The following C12orf50 variants were observed in gnomAD, a reference collection of about 807,000 sequenced individuals.
C12orf50 encodes uncharacterized protein C12orf50.
A neutral mutation model predicts 61.6 loss-of-function variants in C12orf50; 35 were observed. The ratio of observed to expected loss-of-function variants is 0.57; its 90% confidence interval spans 0.43 to 0.75. The LOEUF (loss-of-function observed/expected upper bound fraction) is 0.75. Among genes scored for constraint, C12orf50 ranks in the 30% least tolerant of loss-of-function variants. C12orf50 has a pLI of 0.00. For synonymous variants in C12orf50, 178 were observed against 161.5 expected (o/e 1.10, Z -0.77); for missense variants, 475 against 488.5 (o/e 0.97, Z 0.26).
At chr12:88,008,629 A>G (rs965785310) in intron 3 of C12orf50, among the ~76,000 whole-genome samples, 1 of 152,088 alleles carries the variant, frequency 6.6e-6, no homozygotes, top group Non-Finnish European at 1.5e-5. Flanking sequence ...TTTTTTACCT[A>G]TTTAAAACTG....
chr12:88,018,903 G>T (rs550847678), intron 3 of C12orf50, among the ~76,000 whole-genome samples: 1 of 152,246 alleles, frequency 6.6e-6, no homozygotes, highest in African/African-American at 2.4e-5. Context: ...TATGTAGGAA[G>T]TAACTAACTT....
intron 12 of C12orf50, among the ~76,000 whole-genome samples, chr12:87,982,407 A>G (rs1003680383): frequency 2.6e-5 from 4 of 152,342 alleles, no homozygotes; most frequent in African/African-American, 9.6e-5. Context: ...TCACAGTTGT[A>G]GTCAGTAGGA....
intron 3 of C12orf50, among the ~76,000 whole-genome samples, chr12:88,014,493 G>A (rs1322602474): frequency 6.6e-6 from 1 of 152,060 alleles, no homozygotes; most frequent in African/African-American, 2.4e-5. Context: ...GTAGAGACGG[G>A]TTTCACCGTA....
chr12:88,018,503 T>G (rs142650034), intron 3 of C12orf50, among the ~76,000 whole-genome samples: 1 of 152,288 alleles, frequency 6.6e-6, no homozygotes, highest in Non-Finnish European at 1.5e-5. Flanking sequence ...CCAGAGCTGC[T>G]ACACAAAGTC....
chr12:88,029,018 T>G, intron 1 of C12orf50: 1 of 1,057,236 alleles, frequency 9.5e-7, no homozygotes, highest in Non-Finnish European at 1.2e-6. Flanking sequence ...CCCTTCATTC[T>G]ACTAAAAAGA....
chr12:88,013,636 T>C (rs2032196162), intron 3 of C12orf50, among the ~76,000 whole-genome samples: 1 of 152,208 alleles, frequency 6.6e-6, no homozygotes, highest in Non-Finnish European at 1.5e-5. Context: ...TATGCAGATA[T>C]GTAAATACAG....
intron 3 of C12orf50, among the ~76,000 whole-genome samples, chr12:88,020,788 A>G (rs2136490489): frequency 6.6e-6 from 1 of 151,868 alleles, no homozygotes; most frequent in East Asian, 1.9e-4. Context: ...ATTTGGACAT[A>G]AAACAATACT....
At chr12:88,023,346 C>A (rs2032587267) in intron 3 of C12orf50, among the ~76,000 whole-genome samples, 1 of 151,952 alleles carries the variant, frequency 6.6e-6, no homozygotes, top group African/African-American at 2.4e-5. Flanking sequence ...ATACCACATA[C>A]AAAAATTCAC....
intron 12 of C12orf50, among the ~76,000 whole-genome samples, chr12:87,981,485 T>C (rs4506732): frequency 0.085 from 12,948 of 152,142 alleles, 1,538 homozygotes; most frequent in African/African-American, 0.27. Context: ...TCCTACATTT[T>C]AAAAAAGCTC....
chr12:88,027,291 A>G (rs2032745025), intron 1 of C12orf50, among the ~76,000 whole-genome samples: 1 of 152,242 alleles, frequency 6.6e-6, no homozygotes, highest in South Asian at 2.1e-4. Context: ...ACAACATGCC[A>G]CAAATCACTG....
chr12:88,019,011 G>T (rs549151073), intron 3 of C12orf50, among the ~76,000 whole-genome samples: 1 of 152,298 alleles, frequency 6.6e-6, no homozygotes, highest in African/African-American at 2.4e-5. Context: ...AATGAGTTAA[G>T]ACTTTTGGGG....
At chr12:88,025,568 T>C (rs2032670871) in intron 3 of C12orf50, among the ~76,000 whole-genome samples, 1 of 152,152 alleles carries the variant, frequency 6.6e-6, no homozygotes, top group Non-Finnish European at 1.5e-5. Flanking sequence ...CATGGTTGTA[T>C]ATTTTTCTGC....
chr12:88,002,728 A>C (rs1288511311), intron 3 of C12orf50, among the ~76,000 whole-genome samples: 1 of 151,602 alleles, frequency 6.6e-6, no homozygotes, highest in East Asian at 1.9e-4. Context: ...ATTTAGGTAC[A>C]CTATTTTACT....
rs766348006 is a variant in C12orf50, at chr12:87,983,170, A to T, written c.1152T>A (p.Asn384Lys). 1 of 1,603,718 alleles carries T rather than the reference A, an allele frequency of 6.2e-7. No homozygotes were observed. The highest frequency in any genetic ancestry group is 8.5e-7 in the Non-Finnish European group (1 of 1,173,666). The change falls in exon 12 of 13, where the codon AAT becomes AAA. Residue 384 changes from asparagine (N) to lysine (K), a missense_variant. Transcript: ENST00000298699. ...SPDKYTSTSY[N>K]DSAWRKRIPF... ...GAATTCGTTTTCGCCAGGCTGAATC[A>T]TTATATGATGTTGACGTATATTTGT...
intron 2 of C12orf50, 111 bp from the exon 3 acceptor site, chr12:88,026,719 T>A: frequency 7.1e-7 from 1 of 1,413,294 alleles, no homozygotes; most frequent in South Asian, 1.4e-5. Context: ...GTTAACTGAT[T>A]TAGGATCATG....
intron 3 of C12orf50, among the ~76,000 whole-genome samples, chr12:88,016,408 T>C (rs1184012570): frequency 2.0e-5 from 3 of 152,192 alleles, no homozygotes; most frequent in Non-Finnish European, 2.9e-5. Context: ...GTTTTGGTTA[T>C]TATGGGCATT....
intron 7 of C12orf50, 131 bp from the exon 8 acceptor site, chr12:87,989,502 C>A: frequency 1.7e-6 from 1 of 594,048 alleles, no homozygotes; most frequent in South Asian, 2.2e-5. Context: ...GATACCATAT[C>A]CATCTCCATA....
In C12orf50 at chr12:87,989,291, T is replaced by C. The variant is rs2031001058; in HGVS notation, c.673A>G (p.Thr225Ala). Residue 225 changes from threonine (T) to alanine (A), a missense_variant, in exon 8 of 13, where the codon ACC becomes GCC. Thr to Ala is a moderately conservative substitution (Grantham distance 58). Transcript: ENST00000298699. ...TTAGTATTTGAACATTTTGATATGG[T>C]GATTTCTTTCTCTTCAGTTAAAGCT... ...SEALTEEKEI[T>A]ISKCSNTKDN... is the part of the protein sequence containing the mutation. The C allele has an allele frequency of 6.2e-7, 1 of 1,609,886 alleles. No individual in the cohort carries two copies. The highest frequency in any genetic ancestry group is 1.3e-5 in the African/African-American group (1 of 74,926).
intron 2 of C12orf50, 48 bp downstream of exon 2, chr12:88,026,903 T>G: frequency 6.3e-7 from 1 of 1,592,556 alleles, no homozygotes; most frequent in Non-Finnish European, 8.5e-7. Flanking sequence ...TCAGCATTAT[T>G]GAAGGGAAAT....
Sources: allele counts gnomAD v4.1 joint callset (sites outside exome capture counted in the v4.1 genomes callset), GRCh38; gene constraint gnomAD v4.1.1; transcripts MANE v1.5; gene names NCBI Gene and HGNC (gene_info 2026-07-23, HGNC 2026-07-21).